MLLT1: variants seen among roughly 807,000 people sequenced by gnomAD.
The protein encoded by MLLT1 is MLLT1 super elongation complex subunit, also known as protein ENL.
MLLT1 carries 11 observed loss-of-function variants against 55.1 expected under a neutral mutation model. The observed-to-expected ratio is 0.20, with a 90% CI of 0.13 to 0.33. MLLT1 has a LOEUF of 0.33. Among genes scored for constraint, MLLT1 ranks in the 10% least tolerant of loss-of-function variants. MLLT1 has a pLI of 1.00. For synonymous variants in MLLT1, 323 were observed against 320.1 expected (o/e 1.01, Z -0.10); for missense variants, 536 against 760.6 (o/e 0.70, Z 3.47).
Position 6,213,953 on chromosome 19 carries a change from G to A in MLLT1, c.1393C>T (p.Pro465Ser). 6.9e-7 allele frequency: 1 copy of A among 1,453,420 alleles called. No individual in the cohort carries two copies. Among genetic ancestry groups the A allele is most frequent in the Non-Finnish European group, 9.1e-7 (1 of 1,098,346 alleles). 90.0% of individuals were successfully genotyped at this position (1,453,420 alleles called of 1,614,324 possible). ...REPPPPQKPP[P>S]PNSKVSGRRS... ...CCCAGGCTCACCTTGCTGTTGGGCG[G>A]GGGTGGCTTCTGGGGGGGTGGGGGC... The change falls in exon 9 of 12, where the codon CCG becomes TCG. Residue 465 changes from proline to serine, a missense_variant. By Grantham distance (74) the Pro-to-Ser change is moderately conservative (BLOSUM62 -1). This residue lies in a region of MLLT1 where 449 missense variants were observed against 489.0 expected (regional missense o/e 0.92). Transcript: ENST00000252674.
chr19:6,228,137 C>T (rs1236279931), intron 4 of MLLT1, among the ~76,000 whole-genome samples: 1 of 152,154 alleles, frequency 6.6e-6, no homozygotes, highest in Non-Finnish European at 1.5e-5. Flanking sequence ...GCACTGACAG[C>T]ATGTGTGCCC....
intron 3 of MLLT1, among the ~76,000 whole-genome samples, chr19:6,245,881 A>G (rs2091163418): frequency 6.6e-6 from 1 of 152,048 alleles, no homozygotes; most frequent in Admixed American, 6.6e-5. Context: ...AGCCTAAGCG[A>G]CACAGTAAGG....
At position 6,211,524 on chromosome 19, in the gene MLLT1, G is replaced by A. The variant is rs2090771332; in HGVS notation, c.*1518C>T. The A allele has an allele frequency of 1.2e-6, 1 of 837,822 alleles. No individual in the cohort carries two copies. The highest frequency in any genetic ancestry group is 5.4e-5 in the Admixed American group (1 of 18,434). 51.9% of individuals were successfully genotyped at this position (837,822 alleles called of 1,614,324 possible). Reference sequence around the variant, plus strand: ...GGGACCTCAGGGAGGGACAGATGGAGCCCCCCAAGTCTGAACTCATAGGCT... The same window carrying A: ...GGGACCTCAGGGAGGGACAGATGGAACCCCCCAAGTCTGAACTCATAGGCT... On this transcript the variant is annotated 3_prime_UTR_variant, in exon 12 of 12. Coordinates refer to ENST00000252674, the MANE Select transcript of MLLT1 (RefSeq NM_005934.4). This position sits in a 1 kb window ranked among gnomAD's most constrained non-coding sequence, Gnocchi z 4.6.
rs2090771986 is a variant in MLLT1 at position 6,211,562 on chromosome 19, A to T, written c.*1480T>A. 1 of 1,048,798 alleles carries T rather than the reference A, an allele frequency of 9.5e-7. No homozygotes were observed. The allele number at this position is 1,048,798 out of a possible 1,614,324, so 65.0% of individuals were successfully genotyped here. On this transcript the variant is annotated 3_prime_UTR_variant, in exon 12 of 12. Transcript: ENST00000252674. This position sits in a 1 kb window ranked among gnomAD's most constrained non-coding sequence, Gnocchi z 4.6. ...GAACTCATAGGCTGGGGAGGAGGAG[A>T]CATCTAGGTGGGTTCGAGGGGGTGC...
chr19:6,257,883 A>C (rs2091271887), intron 3 of MLLT1, among the ~76,000 whole-genome samples: 1 of 152,250 alleles, frequency 6.6e-6, no homozygotes, highest in Non-Finnish European at 1.5e-5. Flanking sequence ...AAGCATGTGA[A>C]AAGACGTGAA....
At position 6,279,172 on chromosome 19, in the gene MLLT1, G is replaced by A. The variant is rs145321265; in HGVS notation, c.12+601C>T. Among the ~76,000 whole-genome samples the A allele has an allele frequency of 1.6e-4, 25 of 152,176 alleles. No individual in the cohort carries two copies. In the East Asian group the frequency reaches 4.5e-3, roughly 27 times the overall value. On this transcript the variant is annotated intron_variant, in intron 1 of 11. Transcript: ENST00000252674. Reference sequence around the variant, plus strand: ...CCGCAGAGCAGGGTCCCAGGGGGCCGGGGACGCCTCATATCTGAGCTGAGG... The same window carrying A: ...CCGCAGAGCAGGGTCCCAGGGGGCCAGGGACGCCTCATATCTGAGCTGAGG...
intron 6 of MLLT1, among the ~76,000 whole-genome samples, chr19:6,218,687 G>A (rs925683097): frequency 1.3e-5 from 2 of 152,350 alleles, no homozygotes; most frequent in Non-Finnish European, 2.9e-5. Context: ...GCCACAACAA[G>A]GACACAAGGG....
At position 6,230,547 on chromosome 19, in the gene MLLT1, G is replaced by A. The variant is rs757434661; in HGVS notation, c.420+23C>T. 23 of 1,610,368 alleles carry A rather than the reference G, an allele frequency of 1.4e-5. No individual in the cohort carries two copies. In the Admixed American group the frequency reaches 1.5e-4, roughly 11 times the overall value. Reference sequence around the variant, plus strand: ...AGCCTCGGTGGAGCGGCCCCTTGGCGGGCAGGGGCGGGGCACACTCACCCC... The same window carrying A: ...AGCCTCGGTGGAGCGGCCCCTTGGCAGGCAGGGGCGGGGCACACTCACCCC... On this transcript the variant is annotated intron_variant, in intron 4 of 11. Coordinates refer to ENST00000252674, the MANE Select transcript of MLLT1 (RefSeq NM_005934.4). This position sits in a 1 kb window ranked among gnomAD's most constrained non-coding sequence, Gnocchi z 9.0.
intron 7 of MLLT1, among the ~76,000 whole-genome samples, chr19:6,217,673 C>A (rs2090858359): frequency 6.6e-6 from 1 of 152,226 alleles, no homozygotes; most frequent in Non-Finnish European, 1.5e-5. Context: ...TGGCCATGGG[C>A]AGGGCCCTCA....
At chr19:6,250,281 G>A (rs996715157) in intron 3 of MLLT1, among the ~76,000 whole-genome samples, 2 of 152,274 alleles carry the variant, frequency 1.3e-5, no homozygotes, top group South Asian at 2.1e-4. Flanking sequence ...ATGTTGCTGA[G>A]GATGTAGAGA....
rs1364843323 is a variant in MLLT1 at position 6,226,679 on chromosome 19, G to T, written c.546+298C>A. 6.6e-6 allele frequency among the ~76,000 whole-genome samples: 1 copy of T among 152,158 alleles called. No individual in the cohort carries two copies. Among genetic ancestry groups the T allele is most frequent in the Non-Finnish European group, 1.5e-5 (1 of 68,038 alleles). ...CAACAGCCTTCGGCGAAGGTCTCAG[G>T]GCTTCAGGCCGAGCAGTCCTGGGGC... On this transcript the variant is annotated intron_variant, in intron 5 of 11. Coordinates refer to ENST00000252674, the MANE Select transcript of MLLT1 (RefSeq NM_005934.4). The surrounding 1 kb of genome is among the most constrained non-coding windows in gnomAD (Gnocchi z 6.3).
At chr19:6,234,298 C>T (rs181196467) in intron 3 of MLLT1, among the ~76,000 whole-genome samples, 10 of 152,318 alleles carry the variant, frequency 6.6e-5, no homozygotes, top group Admixed American at 2.6e-4. Flanking sequence ...GCCGCCCCTG[C>T]GGAGGGGGAG....
At chr19:6,232,622 C>T (rs2091022370) in intron 3 of MLLT1, among the ~76,000 whole-genome samples, 1 of 152,152 alleles carries the variant, frequency 6.6e-6, no homozygotes, top group African/African-American at 2.4e-5. Context: ...GCCCAGGCAT[C>T]GTGGTTTATG....
At chr19:6,214,075 G>A (rs777467610) in intron 8 of MLLT1, 37 bp from the exon 9 acceptor site, 38 of 1,285,702 alleles carry the variant, frequency 3.0e-5, no homozygotes, top group South Asian at 2.5e-4. Flanking sequence ...GGCCCCTGCC[G>A]CCACCACGGC....
intron 2 of MLLT1, among the ~76,000 whole-genome samples, chr19:6,265,049 C>CAAAAACA (rs1568296295): frequency 3.0e-4 from 7 of 23,300 alleles, no homozygotes; most frequent in Non-Finnish European, 5.8e-4. Flanking sequence ...AAAAAAAAAA[C>CAAAAACA]AAAAAAACAA....
rs537730518 is a variant in MLLT1, at chr19:6,232,408, C to T, written c.277-1695G>A. On this transcript the variant is annotated intron_variant, in intron 3 of 11. Coordinates refer to ENST00000252674, the MANE Select transcript of MLLT1 (RefSeq NM_005934.4). ...CCACCCGGGGGAGAATGGTGGTGGCCCTACTCCACCCACACACAGAAAACA... is the reference window on the plus strand; with the variant it reads ...CCACCCGGGGGAGAATGGTGGTGGCTCTACTCCACCCACACACAGAAAACA... Among the ~76,000 whole-genome samples, 9 of 152,192 alleles carry T rather than the reference C, an allele frequency of 5.9e-5. No individual in the cohort carries two copies. The East Asian group carries it at 1.7e-3, about 29-fold the overall frequency.
intron 3 of MLLT1, among the ~76,000 whole-genome samples, chr19:6,238,659 G>A (rs1280196746): frequency 6.6e-6 from 1 of 152,160 alleles, no homozygotes; most frequent in African/African-American, 2.4e-5. Context: ...CCCTGCCCCT[G>A]TCCTGGAGCT....
intron 10 of MLLT1, 106 bp from the exon 11 acceptor site, chr19:6,213,514 G>A: frequency 3.5e-6 from 4 of 1,131,616 alleles, no homozygotes; most frequent in African/African-American, 3.0e-5. Context: ...CAGGACAGAG[G>A]TAGCCACATC....
chr19:6,225,956 A>T (rs2090952684), intron 5 of MLLT1, among the ~76,000 whole-genome samples: 2 of 152,238 alleles, frequency 1.3e-5, no homozygotes, highest in Admixed American at 6.5e-5. Flanking sequence ...CAGGAGGCCG[A>T]GTGGGGAGAC....
Sources: gnomAD v4.1 joint callset for allele counts (sites outside exome capture counted in the v4.1 genomes callset) on GRCh38, gnomAD v4.1.1 for gene constraint, gnomAD v4.1.1 regional missense constraint, Gnocchi (gnomAD v3.1) non-coding constraint, MANE v1.5 for transcripts, NCBI Gene and HGNC (gene_info 2026-07-23, HGNC 2026-07-21) for gene names.